Variants in PNPLA6 observed in about 807,000 individuals in gnomAD.
The protein encoded by PNPLA6 is patatin-like phospholipase domain-containing protein 6.
In PNPLA6, 105 loss-of-function variants were observed where a neutral mutation model predicts 153.7. The observed-to-expected ratio is 0.68, with a 90% confidence interval of 0.58 to 0.80. The LOEUF is 0.80. Among genes scored for constraint, PNPLA6 ranks in the 30% least tolerant of loss-of-function variants. The pLI is 0.00. For missense variants in PNPLA6, 1,423 were observed against 1,919.3 expected (o/e 0.74, Z 4.83); for synonymous variants, 825 against 822.2 (o/e 1.00, Z -0.06).
chr19:7,554,064 T>C, intron 19 of PNPLA6, 49 bp downstream of exon 19: 1 of 1,604,012 alleles, frequency 6.2e-7, no homozygotes. Flanking sequence ...GGTGGGACAT[T>C]AGTGAGTGAG....
In PNPLA6 at chr19:7,554,273, G is replaced by C. The variant is rs746146696; in HGVS notation, c.2465+1G>C. 6.2e-7 allele frequency: 1 copy of C among 1,612,904 alleles called. No individual in the cohort carries two copies. Among genetic ancestry groups the C allele is most frequent in the Non-Finnish European group, 8.5e-7 (1 of 1,179,060 alleles). ...GCCTGGGGGCCTCCGCACTGGATAG[G>C]TGTGTGTTGCAGAAGGGAGTGGGGA... is the stretch of plus-strand genomic sequence containing the variant. On this transcript the variant is annotated splice_donor_variant, in intron 20 of 31. Coordinates refer to ENST00000600737, the MANE Select transcript of PNPLA6 (RefSeq NM_001166114.2). LOFTEE classifies it high-confidence loss of function.
At chr19:7,554,370 G>A in intron 20 of PNPLA6, 98 bp downstream of exon 20, 1 of 1,306,764 alleles carries the variant, frequency 7.7e-7, no homozygotes, top group Non-Finnish European at 1.1e-6. Flanking sequence ...CAACCACGGA[G>A]CCTGCGTCTT....
rs1476638109 is a variant in PNPLA6, at chr19:7,536,194, C to A, written c.236C>A (p.Thr79Asn). The A allele has an allele frequency of 6.2e-7, 1 of 1,611,100 alleles. No individual in the cohort carries two copies. ...CCCTGTCCCCACCTATCCCCAGAAA[C>A]CCCAGCCCCGGATGGCCCCCGGTAT... ...LVVRRLRVPK[T>N]PAPDGPRYRF... The change falls in exon 2 of 32, where the codon ACC becomes AAC. Residue 79 changes from threonine to asparagine, a missense_variant. Transcript: ENST00000600737.
At chr19:7,535,468 T>G (rs1599261797), upstream of PNPLA6, 2 of 1,422,204 alleles carry the variant, frequency 1.4e-6, no homozygotes, top group Middle Eastern at 3.5e-4. The surrounding 1 kb of genome is among the most constrained non-coding windows in gnomAD (Gnocchi z 5.0). Context: ...GGGCCCAGAT[T>G]GACGACTTGC....
intron 30 of PNPLA6, 34 bp from the exon 31 acceptor site, chr19:7,561,174 A>G (rs915965215): frequency 1.9e-6 from 3 of 1,590,526 alleles, no homozygotes; most frequent in Non-Finnish European, 2.6e-6. Flanking sequence ...GCCAGCCCCA[A>G]TCCCCTCACC....
chr19:7,554,052 TG>T, intron 19 of PNPLA6, 37 bp downstream of exon 19: 1 of 683,152 alleles, frequency 1.5e-6, no homozygotes, highest in Non-Finnish European at 2.2e-6. Flanking sequence ...GGGCTGGCGG[TG>T]GGTGGGACAT....
At chr19:7,556,596 C>A in intron 25 of PNPLA6, 27 bp downstream of exon 25, 1 of 1,584,326 alleles carries the variant, frequency 6.3e-7, no homozygotes, top group Non-Finnish European at 8.7e-7. Context: ...CCCTGCCCTG[C>A]CTACCCCTCC....
At position 7,556,053 on chromosome 19, in the gene PNPLA6, C is replaced by CTT. The variant is rs33951220; in HGVS notation, c.3093+316_3093+317dup. Reference sequence around the variant, plus strand: ...ATGACCACATCATCCCTAAGTGTTCCTTTTTTTTTTTTTTTTTTTTTTTTT... The same window carrying CTT: ...ATGACCACATCATCCCTAAGTGTTCCTTTTTTTTTTTTTTTTTTTTTTTTTTT... On this transcript the variant is annotated intron_variant, in intron 24 of 31. Coordinates refer to ENST00000600737, the MANE Select transcript of PNPLA6 (RefSeq NM_001166114.2). Among the ~76,000 whole-genome samples, 18 of 60,314 alleles carry CTT rather than the reference C, an allele frequency of 3.0e-4. 1 individual carries two copies. Among genetic ancestry groups the CTT allele is most frequent in the South Asian group, 8.5e-4 (1 of 1,176 alleles). 39.6% of individuals were successfully genotyped at this position (60,314 alleles called of 152,430 possible). A position where few individuals can be genotyped will look rare whatever the true frequency, so the allele number is the denominator to read the frequency against.
In PNPLA6 at chr19:7,555,336, A is replaced by C; in HGVS notation, c.2905A>C (p.Ile969Leu). 1 of 1,421,572 alleles carries C rather than the reference A, an allele frequency of 7.0e-7. No homozygotes were observed. Among genetic ancestry groups the C allele is most frequent in the Non-Finnish European group, 9.5e-7 (1 of 1,052,276 alleles). The allele number at this position is 1,421,572 out of a possible 1,614,324, so 88.1% of individuals were successfully genotyped here. Residue 969 changes from isoleucine (I) to leucine (L), a missense_variant, in exon 23 of 32, where the codon ATT (isoleucine) becomes CTT (leucine). By Grantham distance (5) the Ile-to-Leu change is conservative. Transcript: ENST00000600737. The surrounding 1 kb of genome is among the most constrained non-coding windows in gnomAD (Gnocchi z 6.3). ...GGCGAGGGTGCTCACGGGGAACACC[A>C]TTGCCCTTGTGCTAGGCGGGGGCGG... Reference protein sequence around the residue: ...RLARVLTGNTIALVLGGGGAR... With the variant: ...RLARVLTGNTLALVLGGGGAR...
At chr19:7,557,309 C>T (rs952133777) in intron 27 of PNPLA6, 25 bp downstream of exon 27, 18 of 1,361,350 alleles carry the variant, frequency 1.3e-5, no homozygotes, top group Non-Finnish European at 1.9e-5. Flanking sequence ...GCACCACCCG[C>T]ACACGCAAGC....
At chr19:7,544,921 A>AT (rs1416013103) in intron 13 of PNPLA6, among the ~76,000 whole-genome samples, 5 of 152,098 alleles carry the variant, frequency 3.3e-5, no homozygotes, top group South Asian at 4.1e-4. Flanking sequence ...GCCACAACCC[A>AT]GCCCTGGCCT....
In PNPLA6 at chr19:7,554,241, C is replaced by G. The variant is rs1344229774; in HGVS notation, c.2434C>G (p.Arg812Gly). The change falls in exon 20 of 32, where the codon CGG becomes GGG. Residue 812 changes from arginine (R) to glycine (G), a missense_variant. Arg to Gly is a moderately radical substitution (Grantham distance 125). Coordinates refer to ENST00000600737, the MANE Select transcript of PNPLA6 (RefSeq NM_001166114.2). ...GCTACTCCTTAACAGTGACATCATCCGGGCACGCCTGGGGGCCTCCGCACT... is the reference window on the plus strand; with the variant it reads ...GCTACTCCTTAACAGTGACATCATCGGGGCACGCCTGGGGGCCTCCGCACT... ...PTLLLNSDII[R>G]ARLGASALDS... The G allele has an allele frequency of 1.9e-6, 3 of 1,611,532 alleles. No individual in the cohort carries two copies. Among genetic ancestry groups the G allele is most frequent in the Non-Finnish European group, 8.5e-7 (1 of 1,178,560 alleles).
intron 13 of PNPLA6, among the ~76,000 whole-genome samples, chr19:7,547,946 G>A (rs1215303337): frequency 1.3e-5 from 2 of 149,284 alleles, no homozygotes; most frequent in Admixed American, 6.8e-5. Context: ...TACAGTTGTG[G>A]GCCACCACAC....
chr19:7,542,773 G>T lies in PNPLA6; in HGVS notation c.1375G>T (p.Glu459Ter). The change falls in exon 12 of 32, where the codon GAG becomes TAG. Residue 459 changes from glutamate to a stop codon, truncating the protein, a stop_gained. Transcript: ENST00000600737. LOFTEE classifies it high-confidence loss of function. ...LAAPARTPTQEPREQPAGACE... is the reference protein window; with the variant it reads ...LAAPARTPTQ ...CTGCCCCACTCAGACCCCCACTCAG[G>T]AGCCTCGTGAGCAGCCGGCAGGCGC... The T allele has an allele frequency of 6.2e-7, 1 of 1,613,000 alleles. No homozygotes were observed. Among genetic ancestry groups the T allele is most frequent in the South Asian group, 1.1e-5 (1 of 91,076 alleles).
upstream of PNPLA6, chr19:7,535,162 A>G (rs76013886): frequency 6.8e-3 from 2,915 of 428,368 alleles, 61 homozygotes; most frequent in East Asian, 0.042. This position sits in a 1 kb window ranked among gnomAD's most constrained non-coding sequence, Gnocchi z 5.0. Context: ...CCAGGTGCAG[A>G]GGACCGTGCC....
chr19:7,539,171 T>G (rs1219106599), intron 3 of PNPLA6, among the ~76,000 whole-genome samples: 1 of 152,218 alleles, frequency 6.6e-6, no homozygotes, highest in Non-Finnish European at 1.5e-5. Context: ...CCAATAAAAC[T>G]TTATTTACCA....
rs1223474507 is a variant in PNPLA6, at chr19:7,540,946, C to G, written c.819C>G (p.Thr273=). The change falls in exon 7 of 32, where the codon ACC becomes ACG. Residue 273 remains threonine, a synonymous_variant. Coordinates refer to ENST00000600737, the MANE Select transcript of PNPLA6 (RefSeq NM_001166114.2). The surrounding 1 kb of genome is among the most constrained non-coding windows in gnomAD (Gnocchi z 6.8). ...AGGGTCACCAGCATCCCCAGCGGAC[C>G]GTGTCTGCCCGGGCGGCCCGGGACT... The part of the protein sequence containing the change: ...VITGHQHPQR[T]VSARAARDST... 1 of 1,612,604 alleles carries G rather than the reference C, an allele frequency of 6.2e-7. No individual in the cohort carries two copies. Among genetic ancestry groups the G allele is most frequent in the African/African-American group, 1.3e-5 (1 of 74,898 alleles).
chr19:7,557,648 G>A (rs1375718506), intron 27 of PNPLA6: 1 of 355,044 alleles, frequency 2.8e-6, no homozygotes, highest in Non-Finnish European at 5.6e-6. Flanking sequence ...AACCAGGCTG[G>A]TGGGGTGTGC....
chr19:7,555,448 G>T lies in PNPLA6; in HGVS notation c.2936+81G>T. 1 of 1,342,618 alleles carries T rather than the reference G, an allele frequency of 7.4e-7. No homozygotes were observed. The highest frequency in any genetic ancestry group is 1.0e-6 in the Non-Finnish European group (1 of 970,922). The allele number at this position is 1,342,618 out of a possible 1,614,324, so 83.2% of individuals were successfully genotyped here. A position where few individuals can be genotyped will look rare whatever the true frequency, so the allele number is the denominator to read the frequency against. On this transcript the variant is annotated intron_variant, in intron 23 of 31. Transcript: ENST00000600737. This position sits in a 1 kb window ranked among gnomAD's most constrained non-coding sequence, Gnocchi z 6.3. Reference sequence around the variant, plus strand: ...TCCTGGGAGAAACCGTGGGGGCGGGGCCTGGGTGTTCGAGGGTGGAGCTTC... The same window carrying T: ...TCCTGGGAGAAACCGTGGGGGCGGGTCCTGGGTGTTCGAGGGTGGAGCTTC...
Sources: allele counts gnomAD v4.1 joint callset (sites outside exome capture counted in the v4.1 genomes callset), GRCh38; gene constraint gnomAD v4.1.1; non-coding constraint Gnocchi (gnomAD v3.1); transcripts MANE v1.5; gene names NCBI Gene and HGNC (gene_info 2026-07-23, HGNC 2026-07-21).